DENND2B: variants seen among roughly 807,000 people sequenced by gnomAD.
DENND2B encodes the protein DENN domain-containing protein 2B.
In DENND2B, 32 loss-of-function variants were observed where a neutral mutation model predicts 116.0. The ratio of observed to expected loss-of-function variants is 0.28; its 90% CI spans 0.21 to 0.37. The LOEUF is 0.37. Among genes scored for constraint, DENND2B ranks in the 10% least tolerant of loss-of-function variants. DENND2B has a pLI of 1.00. For synonymous variants in DENND2B, 588 were observed against 583.9 expected (o/e 1.01, Z -0.10); for missense variants, 1,276 against 1,477.7 (o/e 0.86, Z 2.24).
At chr11:8,696,268 G>A (rs550453209) in intron 18 of DENND2B, among the ~76,000 whole-genome samples, 159 bp downstream of exon 18, 1 of 152,218 alleles carries the variant, frequency 6.6e-6, no homozygotes, top group Non-Finnish European at 1.5e-5. Flanking sequence ...TACTGGGGCC[G>A]GAGGAGAAGA....
chr11:8,782,176 C>A (rs1435049125), intron 1 of DENND2B, among the ~76,000 whole-genome samples: 3 of 152,066 alleles, frequency 2.0e-5, no homozygotes, highest in African/African-American at 7.2e-5. Context: ...CATTATACAC[C>A]AATTAAACCA....
chr11:8,806,896 A>ATGCCAGATG (rs2060909245), intron 1 of DENND2B, among the ~76,000 whole-genome samples: 1 of 142,380 alleles, frequency 7.0e-6, no homozygotes, highest in South Asian at 2.3e-4. Context: ...TCTGCAGACT[A>ATGCCAGATG]TGCCAGATGG....
intron 3 of DENND2B, among the ~76,000 whole-genome samples, chr11:8,726,657 C>T (rs895055505): frequency 6.6e-6 from 1 of 152,204 alleles, no homozygotes; most frequent in Non-Finnish European, 1.5e-5. Flanking sequence ...TAGAGAATAT[C>T]CTCCTTGAGA....
intron 18 of DENND2B, 125 bp downstream of exon 18, chr11:8,696,302 G>A: frequency 1.4e-6 from 2 of 1,387,916 alleles, no homozygotes; most frequent in East Asian, 2.3e-5. Context: ...GTTTCTAACA[G>A]AGGTAAAGGG....
chr11:8,753,535 C>T (rs917512343), intron 1 of DENND2B, among the ~76,000 whole-genome samples: 1 of 152,092 alleles, frequency 6.6e-6, no homozygotes, highest in Non-Finnish European at 1.5e-5. Context: ...TGCCAGCTAG[C>T]TTCTTTTCAG....
chr11:8,749,026 C>G (rs1015550958), intron 2 of DENND2B, among the ~76,000 whole-genome samples: 2 of 152,092 alleles, frequency 1.3e-5, no homozygotes, highest in African/African-American at 4.8e-5. Context: ...TTTAAAATTA[C>G]AAATAAAATG....
At chr11:8,870,094 C>G (rs1485009186) in intron 2 of DENND2B, among the ~76,000 whole-genome samples, 2 of 152,246 alleles carry the variant, frequency 1.3e-5, no homozygotes, top group Non-Finnish European at 2.9e-5. Flanking sequence ...ATAATGACCT[C>G]TTTGCCATTC....
chr11:8,724,359 T>C (rs1379274492), intron 4 of DENND2B, among the ~76,000 whole-genome samples: 2 of 151,484 alleles, frequency 1.3e-5, no homozygotes, highest in Non-Finnish European at 2.9e-5. Flanking sequence ...CTGGGCCACT[T>C]CTCTCTCTCA....
intron 1 of DENND2B, among the ~76,000 whole-genome samples, chr11:8,895,302 C>T (rs983316029): frequency 5.3e-5 from 8 of 152,036 alleles, no homozygotes; most frequent in South Asian, 4.1e-4. Context: ...ATGTAAATGA[C>T]GAGTTAATGG....
In DENND2B at chr11:8,707,711, C is replaced by T; in HGVS notation, c.2430+66G>A. ...CAGGTGGTTTTCTCATCTAAGCTGG[C>T]TGCAGATACTCCTGTGGGAGCTGTC... On this transcript the variant is annotated intron_variant, in intron 12 of 19. Coordinates refer to ENST00000313726, the MANE Select transcript of DENND2B (RefSeq NM_213618.2). This position sits in a 1 kb window ranked among gnomAD's most constrained non-coding sequence, Gnocchi z 4.8. The T allele has an allele frequency of 6.7e-7, 1 of 1,496,446 alleles. No homozygotes were observed. The highest frequency in any genetic ancestry group is 9.1e-7 in the Non-Finnish European group (1 of 1,098,094). 92.7% of individuals were successfully genotyped at this position (1,496,446 alleles called of 1,614,324 possible).
At chr11:8,756,775 C>G (rs1485801925) in intron 1 of DENND2B, among the ~76,000 whole-genome samples, 1 of 152,148 alleles carries the variant, frequency 6.6e-6, no homozygotes, top group African/African-American at 2.4e-5. Context: ...GCCTGATATC[C>G]TGGCTAGTCA....
intron 1 of DENND2B, among the ~76,000 whole-genome samples, chr11:8,898,049 T>C (rs904172552): frequency 1.3e-5 from 2 of 152,212 alleles, no homozygotes; most frequent in African/African-American, 2.4e-5. Context: ...ACTGGGATTA[T>C]AGGCATAAGC....
At chr11:8,761,575 A>G (rs959265929) in intron 1 of DENND2B, among the ~76,000 whole-genome samples, 2 of 152,072 alleles carry the variant, frequency 1.3e-5, no homozygotes, top group African/African-American at 4.8e-5. Context: ...CTTTTGTTCA[A>G]CCAATTCCTT....
chr11:8,717,305 C>T (rs966554725), intron 5 of DENND2B, among the ~76,000 whole-genome samples: 2 of 152,234 alleles, frequency 1.3e-5, no homozygotes, highest in African/African-American at 2.4e-5. Flanking sequence ...CTACACCTAG[C>T]CCCCTAATGC....
intron 1 of DENND2B, among the ~76,000 whole-genome samples, chr11:8,779,998 T>A (rs540557042): frequency 6.6e-6 from 1 of 152,312 alleles, no homozygotes; most frequent in Admixed American, 6.5e-5. Flanking sequence ...CTTGAACTAT[T>A]CCTGTGTTGG....
chr11:8,711,111 C>A lies in DENND2B; in HGVS notation c.2282+11G>T. ...ATGCTCCTTCCTCCCTCAGGCCAGG[C>A]CAGGCCTCACCTGCTATACTCTGAC... On this transcript the variant is annotated intron_variant, in intron 10 of 19. Coordinates refer to ENST00000313726, the MANE Select transcript of DENND2B (RefSeq NM_213618.2). 1 of 1,613,408 alleles carries A rather than the reference C, an allele frequency of 6.2e-7. No homozygotes were observed. The highest frequency in any genetic ancestry group is 1.1e-5 in the South Asian group (1 of 91,056).
At chr11:8,744,349 G>C (rs1302275449) in intron 2 of DENND2B, among the ~76,000 whole-genome samples, 3 of 151,966 alleles carry the variant, frequency 2.0e-5, no homozygotes, top group Non-Finnish European at 4.4e-5. Context: ...GGTCAGGCTG[G>C]TCTCGAACTC....
chr11:8,876,966 A>C (rs2063849004), intron 2 of DENND2B, among the ~76,000 whole-genome samples: 1 of 140,482 alleles, frequency 7.1e-6, no homozygotes, highest in Admixed American at 7.3e-5. Flanking sequence ...TCTGAGAGTA[A>C]ATGAGAGGAG....
At chr11:8,850,089 C>T (rs529108189) in intron 3 of DENND2B, among the ~76,000 whole-genome samples, 2 of 152,202 alleles carry the variant, frequency 1.3e-5, no homozygotes, top group East Asian at 1.9e-4. Flanking sequence ...GAGCTGTGAT[C>T]GTGCCACCTC....
Sources: allele counts gnomAD v4.1 joint callset (sites outside exome capture counted in the v4.1 genomes callset), GRCh38; gene constraint gnomAD v4.1.1; non-coding constraint Gnocchi (gnomAD v3.1); transcripts MANE v1.5; gene names NCBI Gene and HGNC (gene_info 2026-07-23, HGNC 2026-07-21).